CLIP1: variants seen among roughly 807,000 people sequenced by gnomAD.
CLIP1 encodes the protein CAP-Gly domain-containing linker protein 1.
Under a neutral mutation model 161.6 loss-of-function variants are expected in CLIP1, and 66 were observed. The ratio of observed to expected loss-of-function variants is 0.41; its 90% CI spans 0.33 to 0.50. CLIP1 has a LOEUF of 0.50. Ranked by LOEUF, CLIP1 falls within the 20% of genes least tolerant of loss-of-function variation. CLIP1 has a pLI of 0.27. For missense variants in CLIP1, 1,376 were observed against 1,702.0 expected, an observed-to-expected ratio of 0.81 and a Z score of 3.37; for synonymous variants, 598 against 626.2, an observed-to-expected ratio of 0.96 and a Z score of 0.67.
chr12:122,333,114 C>T lies in CLIP1; in HGVS notation c.2740G>A (p.Glu914Lys). The T allele has an allele frequency of 6.2e-7, 1 of 1,613,102 alleles. No individual in the cohort carries two copies. The highest frequency in any genetic ancestry group is 2.2e-5 in the East Asian group (1 of 44,868). The change falls in exon 15 of 26, where the codon GAG (glutamate) becomes AAG (lysine). Residue 914 changes from glutamate to lysine, a missense_variant. Physicochemically the swap from Glu to Lys is moderately conservative, Grantham distance 56. Coordinates refer to ENST00000620786, the MANE Select transcript of CLIP1 (RefSeq NM_001247997.2). ...GCCTTTATCAGCTGCTCTTCTCTCT[C>T]ATCTTTCTCTCTAAATTTTGCCTCC... ...DMEAKFREKD[E>K]REEQLIKAKE...
At chr12:122,330,103 G>A (rs7312937) in intron 15 of CLIP1, among the ~76,000 whole-genome samples, 3,228 of 152,126 alleles carry the variant, frequency 0.021, 110 homozygotes, top group African/African-American at 0.074. Flanking sequence ...GGCAACAAGA[G>A]CAAAGCTCCG....
At chr12:122,324,836 C>G (rs989230190) in intron 17 of CLIP1, among the ~76,000 whole-genome samples, 8 of 152,142 alleles carry the variant, frequency 5.3e-5, no homozygotes, top group African/African-American at 1.9e-4. Context: ...GGAAAATAAA[C>G]TACTGCCTTC....
chr12:122,421,615 G>C (rs1956946042), intron 1 of CLIP1, among the ~76,000 whole-genome samples: 1 of 152,180 alleles, frequency 6.6e-6, no homozygotes, highest in Admixed American at 6.6e-5. Flanking sequence ...GCTAAAAACA[G>C]GTATCTAAAC....
At chr12:122,394,959 T>G (rs1412630914) in intron 1 of CLIP1, among the ~76,000 whole-genome samples, 1 of 152,130 alleles carries the variant, frequency 6.6e-6, no homozygotes, top group African/African-American at 2.4e-5. Flanking sequence ...CAACTCCAAC[T>G]GAAACAGGTA....
chr12:122,346,551 G>A (rs1051474388), intron 10 of CLIP1, among the ~76,000 whole-genome samples: 4 of 152,082 alleles, frequency 2.6e-5, no homozygotes, highest in Admixed American at 2.6e-4. Flanking sequence ...CACCCAGGCT[G>A]GGGTGCAGTG....
At chr12:122,363,530 G>A (rs888157106) in intron 4 of CLIP1, among the ~76,000 whole-genome samples, 4 of 151,244 alleles carry the variant, frequency 2.6e-5, no homozygotes, top group Admixed American at 1.3e-4. Flanking sequence ...TTATCCTTAC[G>A]ATGGAAGAGG....
intron 3 of CLIP1, among the ~76,000 whole-genome samples, chr12:122,365,834 C>A (rs916071353): frequency 5.3e-5 from 8 of 151,846 alleles, no homozygotes; most frequent in Non-Finnish European, 1.2e-4. Context: ...ATAAGGAAGA[C>A]CCTGTCTGTA....
intron 1 of CLIP1, among the ~76,000 whole-genome samples, chr12:122,418,748 G>A (rs189897095): frequency 6.1e-4 from 93 of 152,190 alleles, no homozygotes; most frequent in African/African-American, 2.1e-3. Context: ...GCGTGACAGA[G>A]CGAGACCCTG....
intron 20 of CLIP1, among the ~76,000 whole-genome samples, chr12:122,307,302 C>T (rs1011225666): frequency 2.0e-5 from 3 of 152,072 alleles, no homozygotes; most frequent in African/African-American, 7.2e-5. Context: ...TCACTGTGCC[C>T]AGCCATTAGT....
chr12:122,413,720 A>G (rs996422415), intron 1 of CLIP1, among the ~76,000 whole-genome samples: 17 of 152,216 alleles, frequency 1.1e-4, no homozygotes, highest in Admixed American at 3.3e-4. Context: ...GGGATTCTGT[A>G]ATATGACTAC....
chr12:122,404,973 C>A (rs1484178164), intron 1 of CLIP1, among the ~76,000 whole-genome samples: 1 of 151,970 alleles, frequency 6.6e-6, no homozygotes, highest in Non-Finnish European at 1.5e-5. Context: ...CATTCAGTTC[C>A]ACATATCCCC....
At chr12:122,362,078 C>T (rs1953858812) in intron 4 of CLIP1, among the ~76,000 whole-genome samples, 1 of 151,536 alleles carries the variant, frequency 6.6e-6, no homozygotes, top group Admixed American at 6.6e-5. Flanking sequence ...CTCAGCCTCC[C>T]GAGTAGCTGG....
intron 21 of CLIP1, among the ~76,000 whole-genome samples, chr12:122,285,041 C>T (rs1409559296): frequency 6.6e-6 from 1 of 152,186 alleles, no homozygotes; most frequent in Non-Finnish European, 1.5e-5. Flanking sequence ...GCACTGAATA[C>T]CTGGGCTCAA....
intron 5 of CLIP1, among the ~76,000 whole-genome samples, chr12:122,356,955 G>A (rs1953417698): frequency 6.6e-6 from 1 of 152,226 alleles, no homozygotes; most frequent in African/African-American, 2.4e-5. Context: ...TGGTACCCAG[G>A]CTGGAGTGCA....
intron 3 of CLIP1, among the ~76,000 whole-genome samples, chr12:122,368,441 A>G (rs1337782021): frequency 6.6e-6 from 1 of 152,210 alleles, no homozygotes. Context: ...GTCTACAAAC[A>G]GGAAACAGAA....
At chr12:122,412,500 C>T (rs1251014043) in intron 1 of CLIP1, among the ~76,000 whole-genome samples, 1 of 151,880 alleles carries the variant, frequency 6.6e-6, no homozygotes, top group Admixed American at 6.6e-5. Context: ...ACTAAAAATA[C>T]AAAAATTAGA....
chr12:122,276,396 A>ACACACACACACACACACAC (rs1162201985), intron 24 of CLIP1: 31 of 1,288,726 alleles, frequency 2.4e-5, no homozygotes, highest in Non-Finnish European at 1.2e-5. Flanking sequence ...ACACACACAC[A>ACACACACACACACACACAC]CACACACACG....
intron 20 of CLIP1, among the ~76,000 whole-genome samples, chr12:122,298,147 GGTAA>G (rs1478629665): frequency 6.6e-6 from 1 of 151,968 alleles, no homozygotes; most frequent in Non-Finnish European, 1.5e-5. Context: ...AGCATACTTC[GGTAA>G]GTATCATCAC....
rs1041152434 is a variant in CLIP1 at position 122,328,178 on chromosome 12, A to C, written c.3034-16T>G. ...TTTTCTTTTCCTGCAGAGACCCCGA[A>C]TGAGGGAATGAGTCATCTGCCCATG... On this transcript the variant is annotated splice_polypyrimidine_tract_variant and intron_variant, in intron 16 of 25. Coordinates refer to ENST00000620786, the MANE Select transcript of CLIP1 (RefSeq NM_001247997.2). 6 of 1,613,556 alleles carry C rather than the reference A, an allele frequency of 3.7e-6. No individual in the cohort carries two copies. The Admixed American group carries it at 6.7e-5, about 18-fold the overall frequency.
Sources: gnomAD v4.1 joint callset for allele counts (sites outside exome capture counted in the v4.1 genomes callset) on GRCh38, gnomAD v4.1.1 for gene constraint, MANE v1.5 for transcripts, NCBI Gene and HGNC (gene_info 2026-07-23, HGNC 2026-07-21) for gene names.